RALGAPB: variants seen among roughly 807,000 people sequenced by gnomAD.
RALGAPB encodes ral GTPase-activating protein subunit beta.
RALGAPB carries 25 observed loss-of-function variants against 161.1 expected under a neutral mutation model. The observed-to-expected ratio is 0.16, with a 90% CI of 0.11 to 0.22. The LOEUF is 0.22. Among genes scored for constraint, RALGAPB ranks in the 10% least tolerant of loss-of-function variants. The pLI, the probability that RALGAPB is intolerant of heterozygous loss-of-function variation, is 1.00. For synonymous variants in RALGAPB, 629 were observed against 626.1 expected, an observed-to-expected ratio of 1.00 and a Z score of -0.07; for missense variants, 1,391 against 1,815.2, an observed-to-expected ratio of 0.77 and a Z score of 4.25.
chr20:38,527,920 G>A (rs200845510), intron 13 of RALGAPB, among the ~76,000 whole-genome samples: 3 of 152,096 alleles, frequency 2.0e-5, no homozygotes, highest in Non-Finnish European at 4.4e-5. Context: ...ACCTCCCACG[G>A]GGATGAGAAG....
At chr20:38,497,918 A>C (rs1243177097) in intron 4 of RALGAPB, among the ~76,000 whole-genome samples, 1 of 152,010 alleles carries the variant, frequency 6.6e-6, no homozygotes, top group Non-Finnish European at 1.5e-5. Flanking sequence ...AAAGTAGAAA[A>C]ATTAGCCAGG....
intron 1 of RALGAPB, among the ~76,000 whole-genome samples, chr20:38,475,145 C>G (rs1256570507): frequency 6.6e-6 from 1 of 152,036 alleles, no homozygotes; most frequent in Non-Finnish European, 1.5e-5. Flanking sequence ...CTTTTTATTA[C>G]TGTTAGACCT....
At chr20:38,563,002 G>A (rs1353750674) in intron 24 of RALGAPB, among the ~76,000 whole-genome samples, 1 of 152,142 alleles carries the variant, frequency 6.6e-6, no homozygotes, top group Non-Finnish European at 1.5e-5. Context: ...CTTGAGGCCA[G>A]GGATTGGAGC....
intron 18 of RALGAPB, among the ~76,000 whole-genome samples, chr20:38,544,317 C>G (rs2087079629): frequency 6.6e-6 from 1 of 151,574 alleles, no homozygotes; most frequent in Non-Finnish European, 1.5e-5. Flanking sequence ...TCTTCATGTT[C>G]TCTCTGGTTC....
chr20:38,529,724 T>C (rs777559798), intron 13 of RALGAPB, among the ~76,000 whole-genome samples: 3 of 150,258 alleles, frequency 2.0e-5, no homozygotes, highest in Non-Finnish European at 4.4e-5. Flanking sequence ...GCGCCTGTAA[T>C]TCCAGCTACT....
chr20:38,477,536 T>G (rs2084843056), intron 1 of RALGAPB, among the ~76,000 whole-genome samples: 1 of 152,214 alleles, frequency 6.6e-6, no homozygotes, highest in African/African-American at 2.4e-5. Context: ...CCAGCTTTAT[T>G]GATGTTTGCC....
chr20:38,539,927 T>A lies in RALGAPB; in HGVS notation c.2531T>A (p.Leu844Gln). Residue 844 changes from leucine (L) to glutamine (Q), a missense_variant, in exon 17 of 30, where the codon CTG becomes CAG. Transcript: ENST00000262879. Reference sequence around the variant, plus strand: ...GCTTTTCAGTGTCTCTGTGTCTGGCTGACAGAGCACCCTGATATGCTTGAT... The same window carrying A: ...GCTTTTCAGTGTCTCTGTGTCTGGCAGACAGAGCACCCTGATATGCTTGAT... ...VAAFQCLCVW[L>Q]TEHPDMLDEK... is the part of the protein sequence containing the mutation. The A allele has an allele frequency of 6.2e-7, 1 of 1,613,974 alleles. No homozygotes were observed. The highest frequency in any genetic ancestry group is 8.5e-7 in the Non-Finnish European group (1 of 1,179,906).
intron 5 of RALGAPB, among the ~76,000 whole-genome samples, chr20:38,500,904 C>T (rs1316762043): frequency 6.6e-6 from 1 of 152,172 alleles, no homozygotes; most frequent in Non-Finnish European, 1.5e-5. Context: ...TGATCCAGAG[C>T]AAGGCCTAAC....
chr20:38,516,214 C>G lies in RALGAPB; in HGVS notation c.895C>G (p.Pro299Ala). ...TAGTAATCCTGTGGATTTGAGTAAC[C>G]CAGCTATTATAAGCTCTACTCCCAA... The part of the protein sequence containing the change: ...MLSNPVDLSN[P>A]AIISSTPKFQ... Residue 299 changes from proline to alanine, a missense_variant, in exon 7 of 30, where the codon CCA becomes GCA. Transcript: ENST00000262879. The G allele has an allele frequency of 6.2e-7, 1 of 1,605,954 alleles. No individual in the cohort carries two copies. Among genetic ancestry groups the G allele is most frequent in the Non-Finnish European group, 8.5e-7 (1 of 1,175,532 alleles).
intron 1 of RALGAPB, among the ~76,000 whole-genome samples, chr20:38,474,175 G>T (rs1434146872): frequency 6.6e-6 from 1 of 152,178 alleles, no homozygotes; most frequent in Admixed American, 6.5e-5. Flanking sequence ...TAACCTCTGG[G>T]TCGTTTTTAC....
chr20:38,550,856 A>G (rs12479613), intron 20 of RALGAPB, among the ~76,000 whole-genome samples: 6,156 of 152,242 alleles, frequency 0.04, 192 homozygotes, highest in Non-Finnish European at 0.053. Context: ...CATTAGATCT[A>G]TAAGAAGTCG....
At chr20:38,540,980 T>G in intron 17 of RALGAPB, 61 bp from the exon 18 acceptor site, 5 of 1,565,946 alleles carry the variant, frequency 3.2e-6, no homozygotes, top group Non-Finnish European at 4.3e-6. Flanking sequence ...TTGGATGGAT[T>G]TCCTTGTCTT....
At chr20:38,513,220 T>C (rs896526285) in intron 6 of RALGAPB, among the ~76,000 whole-genome samples, 2 of 150,936 alleles carry the variant, frequency 1.3e-5, no homozygotes, top group Admixed American at 1.3e-4. Context: ...ATACAAAAAA[T>C]GGGCTGGGCG....
chr20:38,566,155 G>A (rs550460742), intron 25 of RALGAPB, among the ~76,000 whole-genome samples: 7 of 152,256 alleles, frequency 4.6e-5, no homozygotes, highest in Middle Eastern at 3.4e-3. Context: ...CTTATTTCCA[G>A]ACTAATGACT....
intron 1 of RALGAPB, among the ~76,000 whole-genome samples, chr20:38,487,099 G>C (rs1041338294): frequency 6.6e-6 from 1 of 152,224 alleles, no homozygotes; most frequent in South Asian, 2.1e-4. Context: ...TTTGAGTTGG[G>C]CTTTGAAGGC....
intron 23 of RALGAPB, among the ~76,000 whole-genome samples, chr20:38,560,169 A>G (rs1380094627): frequency 6.6e-6 from 1 of 151,996 alleles, no homozygotes; most frequent in Non-Finnish European, 1.5e-5. Flanking sequence ...TACCAGGGTT[A>G]TAGTGCCGAA....
At chr20:38,569,445 G>A (rs893399639) in intron 26 of RALGAPB, 4 of 157,192 alleles carry the variant, frequency 2.5e-5, no homozygotes, top group Middle Eastern at 3.4e-3. Flanking sequence ...ATAAATTGCA[G>A]TAGGAGACAT....
intron 6 of RALGAPB, 38 bp downstream of exon 6, chr20:38,509,246 G>C (rs1267871303): frequency 4.4e-6 from 7 of 1,590,976 alleles, no homozygotes; most frequent in Admixed American, 1.7e-5. Flanking sequence ...CATTTACCTA[G>C]TAAGTATCTT....
chr20:38,544,601 G>A (rs954962407), intron 18 of RALGAPB, among the ~76,000 whole-genome samples: 4 of 152,074 alleles, frequency 2.6e-5, no homozygotes, highest in African/African-American at 9.7e-5. Flanking sequence ...CCGAGTACCT[G>A]GGACTACAGG....
Sources: gnomAD v4.1 joint callset for allele counts (sites outside exome capture counted in the v4.1 genomes callset) on GRCh38, gnomAD v4.1.1 for gene constraint, MANE v1.5 for transcripts, NCBI Gene and HGNC (gene_info 2026-07-23, HGNC 2026-07-21) for gene names.